The following ADCY8 variants were observed in gnomAD, a reference collection of about 807,000 sequenced individuals.
ADCY8 encodes the protein adenylate cyclase 8.
Under a neutral mutation model 119.7 loss-of-function variants are expected in ADCY8, and 51 were observed. The observed-to-expected ratio is 0.43, with a 90% CI of 0.34 to 0.54. ADCY8 has a LOEUF of 0.54. Ranked by LOEUF, ADCY8 falls within the 20% of genes least tolerant of loss-of-function variation. The pLI, the probability that ADCY8 is intolerant of heterozygous loss-of-function variation, is 0.03. For missense variants in ADCY8, 1,383 were observed against 1,598.8 expected (o/e 0.87, Z 2.30); for synonymous variants, 665 against 651.0 (o/e 1.02, Z -0.33).
intron 12 of ADCY8, among the ~76,000 whole-genome samples, chr8:130,828,822 G>C (rs1816742388): frequency 6.6e-6 from 1 of 152,176 alleles, no homozygotes; most frequent in African/African-American, 2.4e-5. Context: ...TTAGTAAGGG[G>C]ATTTTAAGTT....
chr8:130,970,183 C>T (rs527615864), intron 2 of ADCY8, among the ~76,000 whole-genome samples: 24 of 152,252 alleles, frequency 1.6e-4, no homozygotes, highest in Admixed American at 4.6e-4. Flanking sequence ...TACTGGTCCA[C>T]GGCCTGTTAG....
At chr8:130,805,519 G>C (rs1211742841) in intron 14 of ADCY8, among the ~76,000 whole-genome samples, 2 of 152,172 alleles carry the variant, frequency 1.3e-5, no homozygotes, top group Non-Finnish European at 2.9e-5. Flanking sequence ...TCTTGATTCT[G>C]TGGTATCCTG....
intron 2 of ADCY8, among the ~76,000 whole-genome samples, chr8:130,982,012 T>C (rs549064822): frequency 6.6e-6 from 1 of 152,230 alleles, no homozygotes; most frequent in Non-Finnish European, 1.5e-5. Context: ...GATATAGACT[T>C]AGAGCTAGGA....
intron 5 of ADCY8, among the ~76,000 whole-genome samples, chr8:130,920,144 T>A (rs1410595624): frequency 1.0e-5 from 1 of 99,820 alleles, no homozygotes; most frequent in Admixed American, 1.2e-4. Flanking sequence ...CTCCGTTTCT[T>A]AAAAAAAAAA....
intron 2 of ADCY8, among the ~76,000 whole-genome samples, chr8:130,967,938 T>C (rs1356132891): frequency 6.6e-6 from 1 of 152,176 alleles, no homozygotes; most frequent in Non-Finnish European, 1.5e-5. Flanking sequence ...GGCAAGTTAC[T>C]TAACCTCTCC....
intron 12 of ADCY8, among the ~76,000 whole-genome samples, chr8:130,827,439 T>C (rs1196596523): frequency 6.6e-6 from 1 of 152,184 alleles, no homozygotes; most frequent in East Asian, 1.9e-4. Flanking sequence ...GCTTTCCCCA[T>C]GCTCTATGTA....
At chr8:130,882,667 A>G (rs1021853858) in intron 8 of ADCY8, among the ~76,000 whole-genome samples, 12 of 152,178 alleles carry the variant, frequency 7.9e-5, no homozygotes, top group African/African-American at 2.9e-4. Flanking sequence ...TTCACCAAGT[A>G]TAAAATGAAG....
At chr8:131,034,035 GT>G (rs1316671112) in intron 1 of ADCY8, among the ~76,000 whole-genome samples, 4 of 151,914 alleles carry the variant, frequency 2.6e-5, no homozygotes, top group Non-Finnish European at 5.9e-5. Context: ...GATATTTGGG[GT>G]TTTAAGAAAT....
chr8:130,966,292 C>T (rs1821758736), intron 2 of ADCY8, among the ~76,000 whole-genome samples: 1 of 152,238 alleles, frequency 6.6e-6, no homozygotes, highest in East Asian at 1.9e-4. Flanking sequence ...GAAACTTGTT[C>T]AGTTTCAGTC....
chr8:130,968,890 C>T (rs931656432), intron 2 of ADCY8, among the ~76,000 whole-genome samples: 2 of 152,020 alleles, frequency 1.3e-5, no homozygotes, highest in East Asian at 1.9e-4. Context: ...GCTAAGTAGC[C>T]CCCTTTGGAA....
chr8:130,906,071 T>C (rs889481024), intron 6 of ADCY8, among the ~76,000 whole-genome samples: 4 of 152,226 alleles, frequency 2.6e-5, no homozygotes, highest in Non-Finnish European at 4.4e-5. Flanking sequence ...AATATCTTGA[T>C]TGATTTCAAG....
rs115370629 is a variant in ADCY8, at chr8:130,858,959, C to T, written c.2210+8887G>A. ...ATGTGTATGTATGTATGTTTTAGCA[C>T]ATTCTTATTTTCTGGCCCTACAAGA... On this transcript the variant is annotated intron_variant, in intron 9 of 17. Transcript: ENST00000286355. Among the ~76,000 whole-genome samples the T allele has an allele frequency of 6.6e-3, 1,007 of 151,470 alleles. 12 individuals are homozygous for T. The highest frequency in any genetic ancestry group is 0.023 in the African/African-American group (945 of 41,206).
intron 5 of ADCY8, among the ~76,000 whole-genome samples, chr8:130,912,310 C>G (rs148838827): frequency 6.6e-6 from 1 of 152,132 alleles, no homozygotes. Context: ...GTATCTGGCA[C>G]GTGGTTAACA....
intron 7 of ADCY8, among the ~76,000 whole-genome samples, chr8:130,897,911 A>T (rs1368321650): frequency 6.6e-6 from 1 of 151,474 alleles, no homozygotes; most frequent in Admixed American, 6.6e-5. Flanking sequence ...ATACATGCAC[A>T]CTACACATAT....
chr8:130,852,703 T>G (rs1468237974), intron 9 of ADCY8, among the ~76,000 whole-genome samples: 2 of 152,060 alleles, frequency 1.3e-5, no homozygotes, highest in Admixed American at 6.5e-5. Context: ...GGGCCTTGAG[T>G]GTCTGCTCTT....
intron 5 of ADCY8, among the ~76,000 whole-genome samples, chr8:130,933,603 G>T (rs1433218708): frequency 1.3e-5 from 2 of 152,178 alleles, no homozygotes; most frequent in Non-Finnish European, 2.9e-5. Context: ...GAATCAAGGA[G>T]TTGTTTGGAT....
intron 12 of ADCY8, among the ~76,000 whole-genome samples, chr8:130,822,166 A>G (rs1414377996): frequency 6.6e-6 from 1 of 152,170 alleles, no homozygotes; most frequent in African/African-American, 2.4e-5. Context: ...TGGAAAGGAT[A>G]CATCCTTGTT....
chr8:131,031,754 CA>C (rs1824003969), intron 1 of ADCY8, among the ~76,000 whole-genome samples: 1 of 152,090 alleles, frequency 6.6e-6, no homozygotes, highest in Non-Finnish European at 1.5e-5. Context: ...TCCTGGTCTC[CA>C]AAACCAGAAG....
intron 15 of ADCY8, among the ~76,000 whole-genome samples, chr8:130,785,749 G>A (rs1296506445): frequency 6.6e-6 from 1 of 152,218 alleles, no homozygotes; most frequent in Non-Finnish European, 1.5e-5. Flanking sequence ...TCCCTGCTCT[G>A]TGCCAAACCT....
Sources: allele counts gnomAD v4.1 joint callset (sites outside exome capture counted in the v4.1 genomes callset), GRCh38; gene constraint gnomAD v4.1.1; transcripts MANE v1.5; gene names NCBI Gene and HGNC (gene_info 2026-07-23, HGNC 2026-07-21).